The following CRIM1 variants were observed in gnomAD, a reference collection of about 807,000 sequenced individuals.
CRIM1 encodes the protein cysteine-rich motor neuron 1 protein.
A neutral mutation model predicts 116.4 loss-of-function variants in CRIM1; 32 were observed. The ratio of observed to expected loss-of-function variants is 0.27; its 90% CI spans 0.21 to 0.37. The LOEUF (loss-of-function observed/expected upper bound fraction) is 0.37, where lower values mean the gene tolerates loss of function less well. Among genes scored for constraint, CRIM1 ranks in the 10% least tolerant of loss-of-function variants. CRIM1 has a pLI of 1.00. For missense variants in CRIM1, 1,331 were observed against 1,354.8 expected, an observed-to-expected ratio of 0.98 and a Z score of 0.28; for synonymous variants, 590 against 509.2, an observed-to-expected ratio of 1.16 and a Z score of -2.13.
chr2:36,493,725 A>G (rs921544814), intron 7 of CRIM1, among the ~76,000 whole-genome samples: 3 of 152,228 alleles, frequency 2.0e-5, no homozygotes, highest in African/African-American at 7.2e-5. Flanking sequence ...TGTATGGATT[A>G]ATTCAAAACC....
rs1054595290 is a variant in CRIM1, at chr2:36,474,997, A to G, written c.992-1892A>G. Among the ~76,000 whole-genome samples, 3 of 152,190 alleles carry G rather than the reference A, an allele frequency of 2.0e-5. No homozygotes were observed. In the East Asian group the frequency reaches 5.8e-4, roughly 29 times the overall value. On this transcript the variant is annotated intron_variant, in intron 5 of 16. Transcript: ENST00000280527. Reference sequence around the variant, plus strand: ...GCAGTACCACATAGTCTTGATTACTATAGCATTGTATTATGTTTTGAAATT... The same window carrying G: ...GCAGTACCACATAGTCTTGATTACTGTAGCATTGTATTATGTTTTGAAATT...
intron 2 of CRIM1, among the ~76,000 whole-genome samples, chr2:36,399,057 G>T (rs1672238546): frequency 6.6e-6 from 1 of 152,176 alleles, no homozygotes; most frequent in Non-Finnish European, 1.5e-5. Flanking sequence ...GTGGAAGTGG[G>T]AATCTGCATG....
intron 2 of CRIM1, among the ~76,000 whole-genome samples, chr2:36,404,657 G>A (rs1342945728): frequency 6.6e-6 from 1 of 152,144 alleles, no homozygotes; most frequent in African/African-American, 2.4e-5. Flanking sequence ...GACCTAAATT[G>A]CAACACATTT....
At chr2:36,380,179 G>A in intron 1 of CRIM1, among the ~76,000 whole-genome samples, 1 of 152,186 alleles carries the variant, frequency 6.6e-6, no homozygotes, top group East Asian at 1.9e-4. Flanking sequence ...TGTCCTCAGA[G>A]TGCCAGGCCA....
intron 1 of CRIM1, 67 bp from the exon 2 acceptor site, chr2:36,396,547 T>G: frequency 1.8e-6 from 2 of 1,094,866 alleles, no homozygotes; most frequent in East Asian, 5.1e-5. Flanking sequence ...CAGTGCGTTT[T>G]TGCCCGCGAA....
At chr2:36,454,111 C>T (rs1438716375) in intron 4 of CRIM1, among the ~76,000 whole-genome samples, 3 of 152,130 alleles carry the variant, frequency 2.0e-5, no homozygotes, top group Non-Finnish European at 4.4e-5. Context: ...TAGGCAAGGC[C>T]CCATATTACT....
chr2:36,427,074 G>A (rs1225119650), intron 2 of CRIM1, among the ~76,000 whole-genome samples: 2 of 151,980 alleles, frequency 1.3e-5, no homozygotes, highest in Admixed American at 6.5e-5. Flanking sequence ...AGTGGTGTGC[G>A]CCTATAATCC....
chr2:36,439,254 G>A (rs560558296), intron 2 of CRIM1, among the ~76,000 whole-genome samples: 2 of 152,188 alleles, frequency 1.3e-5, no homozygotes, highest in African/African-American at 2.4e-5. Context: ...GTGGTAAACA[G>A]TGCTAGTATT....
intron 4 of CRIM1, among the ~76,000 whole-genome samples, chr2:36,444,560 C>T (rs1341703546): frequency 2.6e-5 from 4 of 152,176 alleles, no homozygotes; most frequent in Non-Finnish European, 5.9e-5. Context: ...TTGACTTCAG[C>T]ATTCAAAAAT....
chr2:36,514,475 G>A (rs773476477), intron 11 of CRIM1, among the ~76,000 whole-genome samples: 2 of 152,114 alleles, frequency 1.3e-5, no homozygotes, highest in Non-Finnish European at 2.9e-5. Flanking sequence ...AGGCCACTTT[G>A]AGTTAGGGAA....
At chr2:36,391,878 TTACTG>T (rs1323306601) in intron 1 of CRIM1, among the ~76,000 whole-genome samples, 1 of 152,092 alleles carries the variant, frequency 6.6e-6, no homozygotes, top group African/African-American at 2.4e-5. Flanking sequence ...TGCTAGTAAG[TTACTG>T]TATTCACCGT....
At chr2:36,460,973 A>G (rs1677536692) in intron 4 of CRIM1, among the ~76,000 whole-genome samples, 1 of 152,210 alleles carries the variant, frequency 6.6e-6, no homozygotes, top group Admixed American at 6.5e-5. Context: ...CAAAGTGCGG[A>G]CTTATTTGGA....
At chr2:36,390,897 C>T (rs181700187) in intron 1 of CRIM1, among the ~76,000 whole-genome samples, 149 of 152,036 alleles carry the variant, frequency 9.8e-4, no homozygotes, top group African/African-American at 3.1e-3. Context: ...GCAACCTCCA[C>T]CTCCCAGGTT....
At chr2:36,372,654 G>A (rs1334677793) in intron 1 of CRIM1, among the ~76,000 whole-genome samples, 1 of 152,074 alleles carries the variant, frequency 6.6e-6, no homozygotes, top group Non-Finnish European at 1.5e-5. Flanking sequence ...ATTTTCTTAG[G>A]GCAGGTTTAA....
intron 3 of CRIM1, among the ~76,000 whole-genome samples, chr2:36,442,119 T>C (rs918018630): frequency 6.6e-6 from 1 of 152,238 alleles, no homozygotes; most frequent in Non-Finnish European, 1.5e-5. Flanking sequence ...ATTTCTAACA[T>C]CCTTGCTCTT....
chr2:36,404,809 G>T (rs3770923), intron 2 of CRIM1, among the ~76,000 whole-genome samples: 1 of 151,946 alleles, frequency 6.6e-6, no homozygotes, highest in African/African-American at 2.4e-5. Flanking sequence ...TTTTAAAAGC[G>T]CAGATAACAG....
At chr2:36,410,238 A>G (rs1422190617) in intron 2 of CRIM1, among the ~76,000 whole-genome samples, 1 of 152,036 alleles carries the variant, frequency 6.6e-6, no homozygotes, top group Non-Finnish European at 1.5e-5. Context: ...GTTTTCCTAC[A>G]CTTCATTATT....
At chr2:36,437,299 G>C (rs189744399) in intron 2 of CRIM1, among the ~76,000 whole-genome samples, 1 of 152,014 alleles carries the variant, frequency 6.6e-6, no homozygotes, top group East Asian at 1.9e-4. Context: ...GGCGTGAACC[G>C]GGGAGGCAGA....
chr2:36,489,552 T>C (rs1172420776), intron 7 of CRIM1, among the ~76,000 whole-genome samples: 2 of 152,210 alleles, frequency 1.3e-5, no homozygotes, highest in East Asian at 3.9e-4. Flanking sequence ...ACATGACTCA[T>C]TGCATGAGGA....
Sources: gnomAD v4.1 joint callset for allele counts (sites outside exome capture counted in the v4.1 genomes callset) on GRCh38, gnomAD v4.1.1 for gene constraint, MANE v1.5 for transcripts, NCBI Gene and HGNC (gene_info 2026-07-23, HGNC 2026-07-21) for gene names.